Variants in FAT3 observed in about 807,000 individuals in gnomAD.
FAT3 encodes the protein protocadherin Fat 3.
Under a neutral mutation model 310.2 loss-of-function variants are expected in FAT3, and 95 were observed. That is an observed-to-expected ratio of 0.31 (90% CI 0.26 to 0.36). The LOEUF is 0.36. FAT3 is among the 10% of genes least tolerant of loss of function. The probability of loss-of-function intolerance (pLI) is 1.00; values close to 1 mark genes in which losing one functional copy is unlikely to be tolerated. For synonymous variants in FAT3, 2,314 were observed against 2,192.9 expected (o/e 1.06, Z -1.54); for missense variants, 5,408 against 5,715.6 (o/e 0.95, Z 1.74).
At chr11:92,404,035 G>T (rs1019089066) in intron 2 of FAT3, among the ~76,000 whole-genome samples, 18 of 150,162 alleles carry the variant, frequency 1.2e-4, no homozygotes, top group African/African-American at 3.9e-4. Flanking sequence ...AGTCCGTCAA[G>T]AAAAAAAAGG....
At chr11:92,343,983 G>A (rs529045764) in intron 1 of FAT3, among the ~76,000 whole-genome samples, 1 of 152,236 alleles carries the variant, frequency 6.6e-6, no homozygotes, top group Admixed American at 6.5e-5. Flanking sequence ...GTGGGGTATA[G>A]GGGGAAAGAA....
chr11:92,845,705 C>G (rs903122856), intron 19 of FAT3, among the ~76,000 whole-genome samples: 4 of 152,124 alleles, frequency 2.6e-5, no homozygotes, highest in Non-Finnish European at 5.9e-5. Context: ...GTTTTTCTAG[C>G]CAGTGTGAAT....
intron 1 of FAT3, chr11:92,336,603 A>T (rs1490091943): frequency 6.4e-6 from 1 of 156,476 alleles, no homozygotes; most frequent in Admixed American, 6.4e-5. Flanking sequence ...GGACAAAATT[A>T]TACAAATAAT....
intron 24 of FAT3, among the ~76,000 whole-genome samples, chr11:92,885,497 T>C (rs1434691507): frequency 6.6e-6 from 1 of 152,224 alleles, no homozygotes; most frequent in African/African-American, 2.4e-5. Context: ...GAATGAATTC[T>C]TTCTATTCTA....
chr11:92,425,730 T>C (rs1223548302), intron 2 of FAT3, among the ~76,000 whole-genome samples: 1 of 152,204 alleles, frequency 6.6e-6, no homozygotes, highest in Non-Finnish European at 1.5e-5. Flanking sequence ...TTTGTATGGC[T>C]GCATTGTATT....
At chr11:92,485,397 T>A (rs1952349863) in intron 2 of FAT3, among the ~76,000 whole-genome samples, 1 of 152,126 alleles carries the variant, frequency 6.6e-6, no homozygotes, top group African/African-American at 2.4e-5. Context: ...CTGAACAAAG[T>A]CTGGAAGACA....
intron 1 of FAT3, among the ~76,000 whole-genome samples, chr11:92,298,246 T>C (rs1482820203): frequency 6.6e-6 from 1 of 152,136 alleles, no homozygotes; most frequent in Non-Finnish European, 1.5e-5. Context: ...TTAACTTTAA[T>C]TAAATTATGG....
In FAT3 at chr11:92,354,547, C is replaced by T. The variant is rs764233998; in HGVS notation, c.2435C>T (p.Ser812Leu). 6 of 1,613,706 alleles carry T rather than the reference C, an allele frequency of 3.7e-6. No homozygotes were observed. The highest frequency in any genetic ancestry group is 4.2e-6 in the Non-Finnish European group (5 of 1,179,874). ...TIYDLGNPQK[S>L]SWRLLTINVE... ...TATGACTTAGGTAATCCACAGAAATCGTCATGGAGACTGCTGACCATCAAT... is the reference window on the plus strand; with the variant it reads ...TATGACTTAGGTAATCCACAGAAATTGTCATGGAGACTGCTGACCATCAAT... The change falls in exon 2 of 28, where the codon TCG becomes TTG. Residue 812 changes from serine to leucine, a missense_variant. Transcript: ENST00000525166.
intron 3 of FAT3, among the ~76,000 whole-genome samples, chr11:92,621,852 C>T (rs141562899): frequency 8.6e-4 from 131 of 152,274 alleles, no homozygotes; most frequent in African/African-American, 2.8e-3. Context: ...CCACGATCAG[C>T]GGAGCCCTTT....
chr11:92,258,634 G>A (rs996021061), intron 1 of FAT3, among the ~76,000 whole-genome samples: 2 of 149,298 alleles, frequency 1.3e-5, no homozygotes, highest in East Asian at 4.3e-4. Flanking sequence ...TGGATGTTAG[G>A]AAGAGCACTA....
chr11:92,328,931 C>G (rs1409963724), intron 1 of FAT3, among the ~76,000 whole-genome samples: 1 of 151,992 alleles, frequency 6.6e-6, no homozygotes, highest in African/African-American at 2.4e-5. Context: ...CACTAGGCCA[C>G]CATCGACTTT....
At chr11:92,575,796 C>T (rs1028181712) in intron 3 of FAT3, among the ~76,000 whole-genome samples, 4 of 151,838 alleles carry the variant, frequency 2.6e-5, no homozygotes, top group Non-Finnish European at 5.9e-5. Flanking sequence ...TGTTTTTAAT[C>T]TAAATAAGTT....
chr11:92,310,198 G>T (rs1947262525), intron 1 of FAT3, among the ~76,000 whole-genome samples: 1 of 152,122 alleles, frequency 6.6e-6, no homozygotes, highest in Non-Finnish European at 1.5e-5. Context: ...CTTATCCCAA[G>T]ATAAGAATAT....
rs1565615994 is a variant in FAT3, at chr11:92,809,885, C to G, written c.9290C>G (p.Pro3097Arg). 1.2e-6 allele frequency: 2 copies of G among 1,613,966 alleles called. No individual in the cohort carries two copies. Among genetic ancestry groups the G allele is most frequent in the Non-Finnish European group, 1.7e-6 (2 of 1,179,852 alleles). ...TLALLDRERI[P>R]VYSLMAKATD... ...GCTCTGTTGGACCGGGAGAGGATCC[C>G]CGTGTACAGCCTGATGGCCAAGGCC... is the stretch of plus-strand genomic sequence containing the variant. The change falls in exon 13 of 28, where the codon CCC becomes CGC. Residue 3097 changes from proline (P) to arginine (R), a missense_variant. Pro to Arg is a moderately radical substitution (Grantham distance 103). Around this residue, in one of 5 missense-constraint regions of FAT3, gnomAD observed 4,588 missense variants for 4,809.8 expected, o/e 0.95. Transcript: ENST00000525166.
Position 92,581,326 on chromosome 11 carries a change from C to T in FAT3, c.3607+56378C>T, listed in dbSNP as rs556912695. ...AGCTTCTCTGCCATGTCCTGTCCAACGGCTCCCTCCTTGCAGTGAGGCTGT... is the reference window on the plus strand; with the variant it reads ...AGCTTCTCTGCCATGTCCTGTCCAATGGCTCCCTCCTTGCAGTGAGGCTGT... On this transcript the variant is annotated intron_variant, in intron 3 of 27. Coordinates refer to ENST00000525166, the MANE Select transcript of FAT3 (RefSeq NM_001367949.2). 3.0e-3 allele frequency among the ~76,000 whole-genome samples: 449 copies of T among 152,138 alleles called. 5 individuals are homozygous for T. Among genetic ancestry groups the T allele is most frequent in the African/African-American group, 9.7e-3 (402 of 41,498 alleles).
At chr11:92,771,251 C>T (rs1435959531) in intron 6 of FAT3, among the ~76,000 whole-genome samples, 3 of 152,110 alleles carry the variant, frequency 2.0e-5, no homozygotes, top group Non-Finnish European at 4.4e-5. Flanking sequence ...CTTGTTTAAG[C>T]GGAATGCTGC....
chr11:92,591,456 C>G (rs1298783468), intron 3 of FAT3, among the ~76,000 whole-genome samples: 1 of 152,162 alleles, frequency 6.6e-6, no homozygotes, highest in Non-Finnish European at 1.5e-5. Flanking sequence ...TTATATATTT[C>G]TGTTAATCCA....
chr11:92,237,880 A>G (rs1864495227), intron 1 of FAT3, among the ~76,000 whole-genome samples: 1 of 152,166 alleles, frequency 6.6e-6, no homozygotes. Context: ...AATAAGATGT[A>G]GGAAATGGGA....
At chr11:92,407,026 A>G (rs1447266753) in intron 2 of FAT3, among the ~76,000 whole-genome samples, 1 of 152,186 alleles carries the variant, frequency 6.6e-6, no homozygotes, top group African/African-American at 2.4e-5. Flanking sequence ...CACAACAGAA[A>G]GGGGCTATGA....
Sources: allele counts gnomAD v4.1 joint callset (sites outside exome capture counted in the v4.1 genomes callset), GRCh38; gene constraint gnomAD v4.1.1; regional missense constraint gnomAD v4.1.1; transcripts MANE v1.5; gene names NCBI Gene and HGNC (gene_info 2026-07-23, HGNC 2026-07-21).